CSPP1: variants seen among roughly 807,000 people sequenced by gnomAD.
The protein encoded by CSPP1 is centrosome and spindle pole-associated protein 1.
In CSPP1, 126 loss-of-function variants were observed where a neutral mutation model predicts 164.4. The observed-to-expected ratio is 0.77, with a 90% confidence interval of 0.66 to 0.89. CSPP1 has a LOEUF of 0.89. Among genes scored for constraint, CSPP1 ranks in the 40% least tolerant of loss-of-function variants. The pLI, the probability that CSPP1 is intolerant of heterozygous loss-of-function variation, is 0.00. For synonymous variants in CSPP1, 472 were observed against 476.7 expected, an observed-to-expected ratio of 0.99 and a Z score of 0.13; for missense variants, 1,395 against 1,449.8, an observed-to-expected ratio of 0.96 and a Z score of 0.61.
chr8:67,122,128 G>A (rs1390578068), intron 15 of CSPP1, among the ~76,000 whole-genome samples: 1 of 150,794 alleles, frequency 6.6e-6, no homozygotes, highest in Non-Finnish European at 1.5e-5. Context: ...TTGTTGGTCA[G>A]TGTAGCTAAG....
Position 67,180,023 on chromosome 8 carries a change from T to TA in CSPP1, c.3220+110dup, listed in dbSNP as rs768421527. 0.028 allele frequency: 13,081 copies of TA among 467,264 alleles called. 53 individuals are homozygous for TA. Among genetic ancestry groups the TA allele is most frequent in the African/African-American group, 0.056 (2,597 of 46,634 alleles). The allele number at this position is 467,264 out of a possible 1,614,324, so 28.9% of individuals were successfully genotyped here. ...CTGTATTCCTTGTTGTACAAGGTAG[T>TA]AAAAAAAAAAAAAGGAATATTCTTT... On this transcript the variant is annotated intron_variant, in intron 28 of 30. Coordinates refer to ENST00000678616, the MANE Select transcript of CSPP1 (RefSeq NM_001382391.1).
chr8:67,078,961 G>T (rs1446247362), intron 3 of CSPP1, among the ~76,000 whole-genome samples: 1 of 151,986 alleles, frequency 6.6e-6, no homozygotes, highest in Non-Finnish European at 1.5e-5. Context: ...GACAGAGAGA[G>T]ACTCCATCTC....
chr8:67,116,011 C>A lies in CSPP1; in HGVS notation c.1385C>A (p.Pro462His). The change falls in exon 13 of 31, where the codon CCT becomes CAT. Residue 462 changes from proline to histidine, a missense_variant. Pro to His is a moderately conservative substitution (Grantham distance 77). Transcript: ENST00000678616. ...ATAGCTTTCCAGACACCTCTCCCTC[C>A]TTTATCTGCCCCATCTGTCCCACCC... ...PRIAFQTPLP[P>H]LSAPSVPPIP... 6.2e-7 allele frequency: 1 copy of A among 1,614,020 alleles called. No individual in the cohort carries two copies. The highest frequency in any genetic ancestry group is 1.7e-5 in the Admixed American group (1 of 60,018).
At chr8:67,134,180 G>A (rs1418186133) in intron 16 of CSPP1, 1 of 152,208 alleles carries the variant, frequency 6.6e-6, no homozygotes, top group Non-Finnish European at 1.5e-5. Context: ...ACTCTCTCCA[G>A]AGGGCTTTCA....
At chr8:67,145,846 G>A (rs1038410859) in intron 17 of CSPP1, among the ~76,000 whole-genome samples, 2 of 151,720 alleles carry the variant, frequency 1.3e-5, no homozygotes, top group Non-Finnish European at 2.9e-5. Flanking sequence ...TTTTAATGTC[G>A]ATGCTTAGAC....
intron 3 of CSPP1, among the ~76,000 whole-genome samples, chr8:67,085,627 A>G (rs936173634): frequency 6.6e-6 from 1 of 152,098 alleles, no homozygotes; most frequent in Non-Finnish European, 1.5e-5. Flanking sequence ...ATGCCAAACA[A>G]TGCTGGACTA....
rs753997086 is a variant in CSPP1, at chr8:67,116,087, A to T, written c.1461A>T (p.Gly487=). ...VPSQNEDLRS[G]LSSALGEMVS... is the part of the protein sequence containing the mutation. ...CTCAAAATGAAGATTTGCGCAGTGGACTCAGCAGCGCCCTTGGTGAAATGG... is the reference window on the plus strand; with the variant it reads ...CTCAAAATGAAGATTTGCGCAGTGGTCTCAGCAGCGCCCTTGGTGAAATGG... The change falls in exon 13 of 31, where the codon GGA becomes GGT. Residue 487 remains glycine, a synonymous_variant. Transcript: ENST00000678616. 3.7e-6 allele frequency: 6 copies of T among 1,613,900 alleles called. No individual in the cohort carries two copies. Among genetic ancestry groups the T allele is most frequent in the Non-Finnish European group, 4.2e-6 (5 of 1,179,970 alleles).
chr8:67,183,998 G>T (rs1203757710), intron 28 of CSPP1, among the ~76,000 whole-genome samples: 1 of 151,870 alleles, frequency 6.6e-6, no homozygotes, highest in Non-Finnish European at 1.5e-5. Flanking sequence ...GATTACAGGC[G>T]CCTGCCACCA....
intron 13 of CSPP1, 51 bp from the exon 14 acceptor site, chr8:67,118,197 A>G: frequency 6.3e-7 from 1 of 1,596,940 alleles, no homozygotes; most frequent in South Asian, 1.1e-5. Flanking sequence ...TGATTTTTTA[A>G]AAAATTGCAA....
chr8:67,089,112 C>T (rs1811089117), intron 4 of CSPP1, among the ~76,000 whole-genome samples: 1 of 151,924 alleles, frequency 6.6e-6, no homozygotes, highest in South Asian at 2.1e-4. Context: ...GGCTTCCAGA[C>T]TTGGATTGCA....
At chr8:67,162,729 CCAAA>C (rs1450942289) in intron 22 of CSPP1, among the ~76,000 whole-genome samples, 5 of 151,826 alleles carry the variant, frequency 3.3e-5, no homozygotes, top group Admixed American at 6.6e-5. Flanking sequence ...GACTGAGGAC[CCAAA>C]CAAAGGCAGT....
intron 15 of CSPP1, among the ~76,000 whole-genome samples, chr8:67,119,840 A>C (rs562472296): frequency 6.6e-6 from 1 of 152,194 alleles, no homozygotes; most frequent in East Asian, 1.9e-4. Context: ...TTCTGTCTTG[A>C]TATTGCCTTT....
At chr8:67,182,825 CAG>C (rs1833398738) in intron 28 of CSPP1, among the ~76,000 whole-genome samples, 1 of 152,108 alleles carries the variant, frequency 6.6e-6, no homozygotes, top group African/African-American at 2.4e-5. Context: ...TTTTTAAAAT[CAG>C]AGTTTTTTTG....
chr8:67,172,862 T>G (rs1307048301), intron 25 of CSPP1: 1 of 196,546 alleles, frequency 5.1e-6, no homozygotes, highest in Non-Finnish European at 1.0e-5. Context: ...CAGACAAAGA[T>G]GAGCTCATGA....
chr8:67,072,301 AT>A (rs995124312), intron 1 of CSPP1, among the ~76,000 whole-genome samples: 3 of 151,374 alleles, frequency 2.0e-5, no homozygotes, highest in African/African-American at 4.9e-5. Flanking sequence ...AAAAAAAAAG[AT>A]TTTTTTTAGA....
chr8:67,173,908 T>C (rs1831000097), intron 25 of CSPP1: 1 of 152,230 alleles, frequency 6.6e-6, no homozygotes, highest in Non-Finnish European at 1.5e-5. Flanking sequence ...GTATATAGAT[T>C]GGCCAGAGAC....
chr8:67,165,787 T>C (rs981488667), intron 24 of CSPP1, among the ~76,000 whole-genome samples: 1 of 152,222 alleles, frequency 6.6e-6, no homozygotes. Flanking sequence ...AAGTAGTGTT[T>C]GCCAGGATTC....
intron 18 of CSPP1, 22 bp from the exon 19 acceptor site, chr8:67,154,002 T>G (rs1408204100): frequency 8.0e-7 from 1 of 1,255,888 alleles, no homozygotes; most frequent in East Asian, 2.3e-5. Flanking sequence ...ATAGTATGTT[T>G]TTGCAAAATA....
chr8:67,111,393 A>G (rs1381385635), intron 9 of CSPP1, among the ~76,000 whole-genome samples: 1 of 152,144 alleles, frequency 6.6e-6, no homozygotes, highest in African/African-American at 2.4e-5. Flanking sequence ...AGCAGGGAGA[A>G]GGGAGTTGGG....
Sources: gnomAD v4.1 joint callset for allele counts (sites outside exome capture counted in the v4.1 genomes callset) on GRCh38, gnomAD v4.1.1 for gene constraint, MANE v1.5 for transcripts, NCBI Gene and HGNC (gene_info 2026-07-23, HGNC 2026-07-21) for gene names.